The following GLS variants were observed in gnomAD, a reference collection of about 807,000 sequenced individuals.
The protein encoded by GLS is glutaminase.
GLS carries 36 observed loss-of-function variants against 86.7 expected under a neutral mutation model. The ratio of observed to expected loss-of-function variants is 0.42; its 90% CI spans 0.32 to 0.55. The LOEUF (loss-of-function observed/expected upper bound fraction) is 0.55, where lower values mean the gene tolerates loss of function less well. Among genes scored for constraint, GLS ranks in the 20% least tolerant of loss-of-function variants. GLS has a pLI of 0.17. For synonymous variants in GLS, 317 were observed against 305.9 expected (o/e 1.04, Z -0.38); for missense variants, 528 against 833.4 (o/e 0.63, Z 4.51).
At chr2:190,898,383 C>CA (rs1688821853) in intron 3 of GLS, among the ~76,000 whole-genome samples, 1 of 152,200 alleles carries the variant, frequency 6.6e-6, no homozygotes, top group Non-Finnish European at 1.5e-5. Context: ...AGCACCTCCT[C>CA]AGAGTTCATT....
At position 190,951,197 on chromosome 2, in the gene GLS, T is replaced by G. The variant is rs1690708858; in HGVS notation, c.1651-2368T>G. On this transcript the variant is annotated intron_variant, in intron 14 of 17. Transcript: ENST00000320717. The surrounding 1 kb of genome is among the most constrained non-coding windows in gnomAD (Gnocchi z 4.2). ...GCAAAGCAGCAAACAGGAGGAAGAT[T>G]AGGGTGATGGAGCAGCATGGAAGGC... 6.6e-6 allele frequency among the ~76,000 whole-genome samples: 1 copy of G among 151,804 alleles called. No homozygotes were observed. Among genetic ancestry groups the G allele is most frequent in the African/African-American group, 2.4e-5 (1 of 41,300 alleles).
chr2:190,933,209 T>A (rs1690165593), intron 14 of GLS: 1 of 868,480 alleles, frequency 1.2e-6, no homozygotes, highest in Admixed American at 6.2e-5. Context: ...AGTTCTAAAA[T>A]TCACAAATTA....
intron 14 of GLS, among the ~76,000 whole-genome samples, chr2:190,942,012 A>G (rs1690447788): frequency 7.0e-6 from 1 of 142,140 alleles, no homozygotes; most frequent in African/African-American, 2.5e-5. Context: ...AAGGTCTTAT[A>G]TGCTATATTA....
intron 6 of GLS, among the ~76,000 whole-genome samples, chr2:190,909,123 A>G (rs1467969661): frequency 6.6e-6 from 1 of 152,222 alleles, no homozygotes; most frequent in African/African-American, 2.4e-5. Context: ...ATATAACACA[A>G]AGATTTTATT....
chr2:190,893,690 A>G lies in GLS; in HGVS notation c.387-1462A>G, dbSNP rs113468097. On this transcript the variant is annotated intron_variant, in intron 1 of 17. Transcript: ENST00000320717. ...AACCTCCACCTCCCGGGTTCAAGCT[A>G]TTCTCCTGCCTCAGCCTCCCAAGTA... Among the ~76,000 whole-genome samples the G allele has an allele frequency of 8.9e-3, 1,355 of 152,174 alleles. 32 individuals are homozygous for G. Among genetic ancestry groups the G allele is most frequent in the African/African-American group, 0.029 (1,221 of 41,520 alleles).
At chr2:190,907,967 G>A (rs1447488181) in intron 6 of GLS, among the ~76,000 whole-genome samples, 1 of 152,228 alleles carries the variant, frequency 6.6e-6, no homozygotes, top group Non-Finnish European at 1.5e-5. Flanking sequence ...TGAGAAAAAA[G>A]AGGAGTTGAG....
chr2:190,925,839 TC>T (rs1447783882), intron 11 of GLS, among the ~76,000 whole-genome samples: 1 of 152,158 alleles, frequency 6.6e-6, no homozygotes, highest in African/African-American at 2.4e-5. Context: ...TAGTTACTGA[TC>T]CCTAGTTTCC....
rs1688804895 is a variant in GLS at position 190,897,982 on chromosome 2, C to G, written c.605+2257C>G. Among the ~76,000 whole-genome samples, 1 of 152,050 alleles carries G rather than the reference C, an allele frequency of 6.6e-6. No homozygotes were observed. The highest frequency in any genetic ancestry group is 2.4e-5 in the African/African-American group (1 of 41,378). ...GTTCGAAAGTTGGAGACTGCCTGTACCCAGGTTGATAGTCAATTGTTTTTA... is the reference window on the plus strand; with the variant it reads ...GTTCGAAAGTTGGAGACTGCCTGTAGCCAGGTTGATAGTCAATTGTTTTTA... On this transcript the variant is annotated intron_variant, in intron 3 of 17. Transcript: ENST00000320717. This position sits in a 1 kb window ranked among gnomAD's most constrained non-coding sequence, Gnocchi z 4.3.
At chr2:190,906,147 A>G (rs575141373) in intron 6 of GLS, among the ~76,000 whole-genome samples, 4 of 152,256 alleles carry the variant, frequency 2.6e-5, no homozygotes, top group South Asian at 2.1e-4. Context: ...TAAATTAACA[A>G]CTTCAATAAG....
intron 14 of GLS, chr2:190,933,736 T>G (rs1690182134): frequency 1.2e-6 from 1 of 841,744 alleles, no homozygotes; most frequent in East Asian, 1.2e-4. Flanking sequence ...AATGGCAAAT[T>G]TTGGTTTTTA....
rs916046756 is a variant in GLS, at chr2:190,881,031, G to A, written c.-54G>A. The A allele has an allele frequency of 9.9e-6, 15 of 1,518,028 alleles. No homozygotes were observed. The highest frequency in any genetic ancestry group is 2.3e-4 in the Middle Eastern group (1 of 4,304). 94.0% of individuals were successfully genotyped at this position (1,518,028 alleles called of 1,614,324 possible). On this transcript the variant is annotated 5_prime_UTR_variant, in exon 1 of 18. Transcript: ENST00000320717. Reference sequence around the variant, plus strand: ...ACCGCGTTCCCCGAGGAAACCGGCCGCCCACGCCCGGAGCATCCTCCCCTG... The same window carrying A: ...ACCGCGTTCCCCGAGGAAACCGGCCACCCACGCCCGGAGCATCCTCCCCTG...
chr2:190,944,076 G>A (rs1376027315), intron 14 of GLS, among the ~76,000 whole-genome samples: 2 of 152,096 alleles, frequency 1.3e-5, no homozygotes, highest in Non-Finnish European at 2.9e-5. Context: ...TGCTAAAACC[G>A]TGTTGTTTCA....
rs1288629572 is a variant in GLS, at chr2:190,965,534, A to G, written c.*2548A>G. 1 of 152,320 alleles carries G rather than the reference A, an allele frequency of 6.6e-6. No individual in the cohort carries two copies. Among genetic ancestry groups the G allele is most frequent in the Non-Finnish European group, 1.5e-5 (1 of 68,038 alleles). 9.4% of individuals were successfully genotyped at this position (152,320 alleles called of 1,614,324 possible). A position where few individuals can be genotyped will look rare whatever the true frequency, so the allele number is the denominator to read the frequency against. ...TGTTGCTTTTTACAGCATAATAAATATATGTATCAAAAAAAAAACTGTGTG... is the reference window on the plus strand; with the variant it reads ...TGTTGCTTTTTACAGCATAATAAATGTATGTATCAAAAAAAAAACTGTGTG... On this transcript the variant is annotated 3_prime_UTR_variant, in exon 18 of 18. Coordinates refer to ENST00000320717, the MANE Select transcript of GLS (RefSeq NM_014905.5). The surrounding 1 kb of genome is among the most constrained non-coding windows in gnomAD (Gnocchi z 5.0).
At chr2:190,919,208 A>T (rs1574593482) in intron 7 of GLS, among the ~76,000 whole-genome samples, 1 of 152,276 alleles carries the variant, frequency 6.6e-6, no homozygotes, top group South Asian at 2.1e-4. Flanking sequence ...CTATTTACAT[A>T]ATCTGTCTAG....
At chr2:190,931,893 A>T (rs1690115006) in intron 14 of GLS, among the ~76,000 whole-genome samples, 2 of 152,000 alleles carry the variant, frequency 1.3e-5, no homozygotes, top group African/African-American at 4.8e-5. Context: ...TAGTTAGCCT[A>T]GTGTCAGGGA....
At chr2:190,883,901 C>T (rs1046940151) in intron 1 of GLS, among the ~76,000 whole-genome samples, 1 of 152,124 alleles carries the variant, frequency 6.6e-6, no homozygotes, top group Non-Finnish European at 1.5e-5. Flanking sequence ...GTGATATAAG[C>T]AAGTTACTTT....
chr2:190,926,255 C>T (rs1689890658), intron 11 of GLS, among the ~76,000 whole-genome samples: 1 of 152,206 alleles, frequency 6.6e-6, no homozygotes, highest in Non-Finnish European at 1.5e-5. Context: ...GAAAGCCTTG[C>T]ATGATTAAGT....
In GLS at chr2:190,942,965, G is replaced by A. The variant is rs1363413502; in HGVS notation, c.1651-10600G>A. The stretch of plus-strand genomic sequence containing the variant: ...GGCTGTTTCATCTTTAGCCTCACCT[G>A]TATGGCCAAAGTGGGAGAAAAAGAA... On this transcript the variant is annotated intron_variant, in intron 14 of 17. Coordinates refer to ENST00000320717, the MANE Select transcript of GLS (RefSeq NM_014905.5). Among the ~76,000 whole-genome samples the A allele has an allele frequency of 3.3e-5, 5 of 152,146 alleles. 1 individual carries two copies. The highest frequency in any genetic ancestry group is 9.7e-5 in the African/African-American group (4 of 41,426).
intron 1 of GLS, among the ~76,000 whole-genome samples, chr2:190,888,395 A>G (rs1264901347): frequency 7.9e-5 from 12 of 152,228 alleles, no homozygotes; most frequent in Admixed American, 7.9e-4. Flanking sequence ...GCCATATTAA[A>G]ACATTGTAAT....
Sources: allele counts gnomAD v4.1 joint callset (sites outside exome capture counted in the v4.1 genomes callset), GRCh38; gene constraint gnomAD v4.1.1; non-coding constraint Gnocchi (gnomAD v3.1); transcripts MANE v1.5; gene names NCBI Gene and HGNC (gene_info 2026-07-23, HGNC 2026-07-21).